The following RCAN1 variants were observed in gnomAD, a reference collection of about 807,000 sequenced individuals.
RCAN1 encodes calcipressin-1.
Under a neutral mutation model 22.9 loss-of-function variants are expected in RCAN1, and 11 were observed. That is an observed-to-expected ratio of 0.48 (90% CI 0.30 to 0.79). The LOEUF (loss-of-function observed/expected upper bound fraction) is 0.79. RCAN1 is among the 30% of genes least tolerant of loss of function. RCAN1 has a pLI of 0.06. For missense variants in RCAN1, 291 were observed against 337.8 expected (o/e 0.86, Z 1.09); for synonymous variants, 136 against 142.3 (o/e 0.96, Z 0.32).
chr21:34,537,044 C>T (rs1985703554), intron 1 of RCAN1, among the ~76,000 whole-genome samples: 1 of 152,194 alleles, frequency 6.6e-6, no homozygotes, highest in Non-Finnish European at 1.5e-5. Flanking sequence ...GCATTCTTTG[C>T]TGATGACTTA....
chr21:34,516,617 C>T lies in RCAN1; in HGVS notation c.*1467G>A, dbSNP rs1019575482. Reference sequence around the variant, plus strand: ...AGCGATGCAATGGTCTCTCCCAAACCGGCTCCCTCTTACCAAGTACCGTAA... The same window carrying T: ...AGCGATGCAATGGTCTCTCCCAAACTGGCTCCCTCTTACCAAGTACCGTAA... On this transcript the variant is annotated 3_prime_UTR_variant, in exon 4 of 4. Coordinates refer to ENST00000313806, the MANE Select transcript of RCAN1 (RefSeq NM_004414.7). The T allele has an allele frequency of 2.0e-5, 3 of 152,194 alleles. No individual in the cohort carries two copies. Among genetic ancestry groups the T allele is most frequent in the Admixed American group, 6.5e-5 (1 of 15,280 alleles). 9.4% of individuals were successfully genotyped at this position (152,194 alleles called of 1,614,324 possible).
At chr21:34,565,547 G>A (rs545395054) in intron 1 of RCAN1, among the ~76,000 whole-genome samples, 1 of 152,268 alleles carries the variant, frequency 6.6e-6, no homozygotes, top group African/African-American at 2.4e-5. Flanking sequence ...TATTACACAG[G>A]AGTACAGCCA....
chr21:34,614,560 CG>C lies in RCAN1; in HGVS notation c.252+199del. The C allele has an allele frequency of 9.9e-7, 1 of 1,006,852 alleles. No individual in the cohort carries two copies. The allele number at this position is 1,006,852 out of a possible 1,614,324, so 62.4% of individuals were successfully genotyped here. Reference sequence around the variant, plus strand: ...ACTCTGCAGTGAGCTCCGCGCGCCCCGGGGGTGCTAGGGGACCGGGACCCTC... The same window carrying C: ...ACTCTGCAGTGAGCTCCGCGCGCCCCGGGGTGCTAGGGGACCGGGACCCTC... On this transcript the variant is annotated intron_variant, in intron 1 of 3. Transcript: ENST00000313806. The surrounding 1 kb of genome is among the most constrained non-coding windows in gnomAD (Gnocchi z 6.0).
chr21:34,610,777 A>G (rs1988666604), intron 1 of RCAN1, among the ~76,000 whole-genome samples: 2 of 152,152 alleles, frequency 1.3e-5, no homozygotes, highest in East Asian at 3.9e-4. Context: ...GCACTGCTCA[A>G]AGGTCTCTAC....
rs1167830389 is a variant in RCAN1, at chr21:34,615,032, G to T, written c.-21C>A. ...TCCATCCCCGCGCCCGCGCGACCCT[G>T]TGCGCCCCAGCGGGCTGCTCCGGGC... is the stretch of plus-strand genomic sequence containing the variant. On this transcript the variant is annotated 5_prime_UTR_variant, in exon 1 of 4. Coordinates refer to ENST00000313806, the MANE Select transcript of RCAN1 (RefSeq NM_004414.7). The T allele has an allele frequency of 9.6e-7, 1 of 1,038,270 alleles. No individual in the cohort carries two copies. Among genetic ancestry groups the T allele is most frequent in the South Asian group, 4.4e-5 (1 of 22,626 alleles). 64.3% of individuals were successfully genotyped at this position (1,038,270 alleles called of 1,614,324 possible). A position where few individuals can be genotyped will look rare whatever the true frequency, so the allele number is the denominator to read the frequency against.
At chr21:34,579,888 G>A (rs992406297) in intron 1 of RCAN1, among the ~76,000 whole-genome samples, 4 of 152,182 alleles carry the variant, frequency 2.6e-5, no homozygotes, top group African/African-American at 7.2e-5. Context: ...TTGTGACCTT[G>A]AGCAGAAGAA....
intron 1 of RCAN1, among the ~76,000 whole-genome samples, chr21:34,552,692 GCA>G (rs1986413488): frequency 6.6e-6 from 1 of 151,546 alleles, no homozygotes; most frequent in Non-Finnish European, 1.5e-5. Flanking sequence ...AACCAATCAT[GCA>G]CACATAGACA....
At chr21:34,559,577 C>T (rs1217672952) in intron 1 of RCAN1, among the ~76,000 whole-genome samples, 1 of 152,060 alleles carries the variant, frequency 6.6e-6, no homozygotes, top group Non-Finnish European at 1.5e-5. Context: ...AACTGGGTCC[C>T]ACAGAGGGTC....
In RCAN1 at chr21:34,614,993, C is replaced by A. The variant is rs1449725275; in HGVS notation, c.19G>T (p.Gly7Cys). The A allele has an allele frequency of 2.7e-6, 3 of 1,093,332 alleles. No individual in the cohort carries two copies. The highest frequency in any genetic ancestry group is 3.3e-6 in the Non-Finnish European group (3 of 903,952). 67.7% of individuals were successfully genotyped at this position (1,093,332 alleles called of 1,614,324 possible). A position where few individuals can be genotyped will look rare whatever the true frequency, so the allele number is the denominator to read the frequency against. MEDGVA[G>C]PQLGAAAEAA... is the part of the protein sequence containing the mutation. Reference sequence around the variant, plus strand: ...TCCGCCGCGGCCCCGAGCTGGGGACCGGCCACGCCGTCCTCCATCCCCGCG... The same window carrying A: ...TCCGCCGCGGCCCCGAGCTGGGGACAGGCCACGCCGTCCTCCATCCCCGCG... Residue 7 changes from glycine to cysteine, a missense_variant, in exon 1 of 4, where the codon GGT (glycine) becomes TGT (cysteine). Coordinates refer to ENST00000313806, the MANE Select transcript of RCAN1 (RefSeq NM_004414.7). The surrounding 1 kb of genome is among the most constrained non-coding windows in gnomAD (Gnocchi z 6.0).
chr21:34,558,851 T>C (rs1256006110), intron 1 of RCAN1, among the ~76,000 whole-genome samples: 1 of 152,140 alleles, frequency 6.6e-6, no homozygotes, highest in Admixed American at 6.5e-5. Flanking sequence ...TGGGCTCCAA[T>C]GCTCCAATGG....
chr21:34,596,970 G>T (rs1988180367), intron 1 of RCAN1, among the ~76,000 whole-genome samples: 1 of 152,186 alleles, frequency 6.6e-6, no homozygotes, highest in Non-Finnish European at 1.5e-5. Context: ...GAGGAGTAAA[G>T]AAGGGGTTGG....
chr21:34,526,883 GA>G lies in RCAN1; in HGVS notation c.253-3174del, dbSNP rs930370168. The G allele has an allele frequency of 1.7e-4, 240 of 1,433,468 alleles. 1 individual carries two copies. The highest frequency in any genetic ancestry group is 4.0e-4 in the Middle Eastern group (2 of 5,016). 88.8% of individuals were successfully genotyped at this position (1,433,468 alleles called of 1,614,324 possible). A position where few individuals can be genotyped will look rare whatever the true frequency, so the allele number is the denominator to read the frequency against. Reference sequence around the variant, plus strand: ...TAAGGGCCAGCCCCCACTCCCTGGGGAAAAAAAAAGTGCAGCTTCCACAGCA... The same window carrying G: ...TAAGGGCCAGCCCCCACTCCCTGGGGAAAAAAAAGTGCAGCTTCCACAGCA... On this transcript the variant is annotated intron_variant, in intron 1 of 3. Transcript: ENST00000313806.
intron 1 of RCAN1, among the ~76,000 whole-genome samples, chr21:34,601,150 C>G (rs540314110): frequency 6.6e-6 from 1 of 152,282 alleles, no homozygotes; most frequent in Non-Finnish European, 1.5e-5. Flanking sequence ...TATTAAGTGC[C>G]TACTATGTGG....
chr21:34,545,491 T>C (rs1156364251), intron 1 of RCAN1, among the ~76,000 whole-genome samples: 1 of 152,082 alleles, frequency 6.6e-6, no homozygotes, highest in Non-Finnish European at 1.5e-5. Flanking sequence ...GGGGCATGGG[T>C]GAAAGGGAAA....
At chr21:34,604,593 G>A (rs900409894) in intron 1 of RCAN1, among the ~76,000 whole-genome samples, 3 of 152,212 alleles carry the variant, frequency 2.0e-5, no homozygotes, top group African/African-American at 4.8e-5. Flanking sequence ...AGCCAGAGAA[G>A]CTGTGTGGAA....
Position 34,521,025 on chromosome 21 carries a change from G to A in RCAN1, c.586+474C>T, listed in dbSNP as rs1038774754. The A allele has an allele frequency of 1.3e-5, 15 of 1,118,820 alleles. No individual in the cohort carries two copies. The South Asian group carries it at 4.8e-4, about 36-fold the overall frequency. The allele number at this position is 1,118,820 out of a possible 1,614,324, so 69.3% of individuals were successfully genotyped here. Reference sequence around the variant, plus strand: ...CGACCGCGGCCCTTCCCTCACCATGGCCTATGGTTCTCCTTCCCTTTTCCT... The same window carrying A: ...CGACCGCGGCCCTTCCCTCACCATGACCTATGGTTCTCCTTCCCTTTTCCT... On this transcript the variant is annotated intron_variant, in intron 3 of 3. Coordinates refer to ENST00000313806, the MANE Select transcript of RCAN1 (RefSeq NM_004414.7).
intron 1 of RCAN1, among the ~76,000 whole-genome samples, chr21:34,599,813 G>C (rs541391791): frequency 6.6e-6 from 1 of 152,260 alleles, no homozygotes; most frequent in African/African-American, 2.4e-5. Context: ...ATCTATAGTT[G>C]GTGCCTACTA....
intron 1 of RCAN1, among the ~76,000 whole-genome samples, chr21:34,612,543 A>C (rs1988711378): frequency 6.6e-6 from 1 of 152,190 alleles, no homozygotes; most frequent in Non-Finnish European, 1.5e-5. Context: ...CTGTCCCCAG[A>C]GCCATTATCT....
At chr21:34,571,296 A>G (rs1384218282) in intron 1 of RCAN1, among the ~76,000 whole-genome samples, 1 of 152,234 alleles carries the variant, frequency 6.6e-6, no homozygotes, top group Non-Finnish European at 1.5e-5. Flanking sequence ...TCCATCTCCA[A>G]AAATAAATAA....
Sources: allele counts gnomAD v4.1 joint callset (sites outside exome capture counted in the v4.1 genomes callset), GRCh38; gene constraint gnomAD v4.1.1; non-coding constraint Gnocchi (gnomAD v3.1); transcripts MANE v1.5; gene names NCBI Gene and HGNC (gene_info 2026-07-23, HGNC 2026-07-21).